CSMD1: variants seen among roughly 807,000 people sequenced by gnomAD.
The protein encoded by CSMD1 is CUB and Sushi multiple domains 1, also known as CUB and sushi domain-containing protein 1.
In CSMD1, 213 loss-of-function variants were observed where a neutral mutation model predicts 417.5. The ratio of observed to expected loss-of-function variants is 0.51; its 90% CI spans 0.46 to 0.57. The LOEUF (loss-of-function observed/expected upper bound fraction) is 0.57, where lower values mean the gene tolerates loss of function less well. CSMD1 is among the 20% of genes least tolerant of loss of function. The pLI is 0.00. For missense variants in CSMD1, 6,923 were observed against 4,529.7 expected (o/e 1.53, Z -15.17); for synonymous variants, 2,862 against 1,736.8 (o/e 1.65, Z -16.11).
intron 5 of CSMD1, among the ~76,000 whole-genome samples, chr8:3,993,617 C>T (rs1159967054): frequency 6.6e-6 from 1 of 152,196 alleles, no homozygotes; most frequent in Admixed American, 6.5e-5. Context: ...AACTTCCATA[C>T]ACCAGATAGG....
chr8:3,783,250 G>T (rs377555796), intron 5 of CSMD1, among the ~76,000 whole-genome samples: 1 of 152,182 alleles, frequency 6.6e-6, no homozygotes, highest in Non-Finnish European at 1.5e-5. Flanking sequence ...CTGTGTAGGT[G>T]CTCCCGGAAA....
chr8:2,949,960 T>C (rs551740988), intron 67 of CSMD1, among the ~76,000 whole-genome samples: 43 of 152,328 alleles, frequency 2.8e-4, no homozygotes, highest in South Asian at 8.3e-4. Flanking sequence ...AGTAACATCA[T>C]AGACCCTGGA....
Position 2,963,067 on chromosome 8 carries a change from T to TAGGCA in CSMD1, c.9454+150_9454+154dup, listed in dbSNP as rs201934629. 4.9e-3 allele frequency among the ~76,000 whole-genome samples: 751 copies of TAGGCA among 152,258 alleles called. 9 individuals are homozygous for TAGGCA. The highest frequency in any genetic ancestry group is 0.017 in the African/African-American group (706 of 41,546). On this transcript the variant is annotated intron_variant, in intron 60 of 69. Transcript: ENST00000635120. ...TGTCTCAAAAAGGAGACTCTGCCCTTAGGCAACACAGTCTCAAGTTTGAGT... is the reference window on the plus strand; with the variant it reads ...TGTCTCAAAAAGGAGACTCTGCCCTTAGGCAAGGCAACACAGTCTCAAGTTTGAGT...
intron 38 of CSMD1, among the ~76,000 whole-genome samples, chr8:3,161,911 G>A (rs978139243): frequency 6.6e-6 from 1 of 152,126 alleles, no homozygotes; most frequent in Non-Finnish European, 1.5e-5. Flanking sequence ...TAGTTATTGG[G>A]AACGCATATA....
intron 5 of CSMD1, among the ~76,000 whole-genome samples, chr8:3,808,889 G>A (rs977510124): frequency 1.3e-5 from 2 of 152,184 alleles, no homozygotes; most frequent in African/African-American, 4.8e-5. Flanking sequence ...AGTCATATCA[G>A]GGATTTTAAA....
At chr8:3,404,763 T>G (rs1297173708) in intron 15 of CSMD1, among the ~76,000 whole-genome samples, 1 of 146,606 alleles carries the variant, frequency 6.8e-6, no homozygotes, top group African/African-American at 2.5e-5. Flanking sequence ...TGTATGTATT[T>G]ATGACACATG....
intron 26 of CSMD1, among the ~76,000 whole-genome samples, chr8:3,262,217 A>G (rs1432914889): frequency 8.1e-6 from 1 of 122,722 alleles, no homozygotes; most frequent in Non-Finnish European, 1.7e-5. Context: ...ATATATATAT[A>G]TATATATATA....
chr8:3,441,252 C>T (rs2117062157), intron 12 of CSMD1, among the ~76,000 whole-genome samples: 1 of 152,092 alleles, frequency 6.6e-6, no homozygotes, highest in Middle Eastern at 3.4e-3. Context: ...CTTGTGGCCT[C>T]CAGAGCTTTG....
At chr8:3,226,241 C>G (rs1297440147) in intron 27 of CSMD1, among the ~76,000 whole-genome samples, 1 of 152,138 alleles carries the variant, frequency 6.6e-6, no homozygotes, top group African/African-American at 2.4e-5. Context: ...AAAGCAATTG[C>G]AGGCTATATA....
intron 37 of CSMD1, among the ~76,000 whole-genome samples, chr8:3,170,103 G>C (rs1329105623): frequency 6.6e-6 from 1 of 152,274 alleles, no homozygotes; most frequent in South Asian, 2.1e-4. Context: ...GTGGCAGCCA[G>C]CCCTGCTAGA....
intron 10 of CSMD1, among the ~76,000 whole-genome samples, chr8:3,540,200 A>C (rs528577557): frequency 6.6e-6 from 1 of 152,262 alleles, no homozygotes; most frequent in South Asian, 2.1e-4. Flanking sequence ...ACCTTATTCC[A>C]ATGTTTTAGG....
At chr8:3,450,908 T>C (rs1420750728) in intron 12 of CSMD1, among the ~76,000 whole-genome samples, 1 of 151,912 alleles carries the variant, frequency 6.6e-6, no homozygotes, top group Non-Finnish European at 1.5e-5. Flanking sequence ...CCACAATGGT[T>C]GAACTAGTTT....
chr8:3,826,011 G>C (rs1802034933), intron 5 of CSMD1, among the ~76,000 whole-genome samples: 1 of 152,136 alleles, frequency 6.6e-6, no homozygotes, highest in South Asian at 2.1e-4. Context: ...TTATTCACTT[G>C]CCTTTTTCAA....
intron 10 of CSMD1, among the ~76,000 whole-genome samples, chr8:3,565,458 T>A (rs1489814841): frequency 6.6e-6 from 1 of 152,212 alleles, no homozygotes; most frequent in Admixed American, 6.5e-5. Context: ...GTGAATCGCC[T>A]CCTTAATAAA....
At chr8:2,998,376 G>T (rs1206464724) in intron 53 of CSMD1, among the ~76,000 whole-genome samples, 192 bp from the exon 54 acceptor site, 1 of 152,136 alleles carries the variant, frequency 6.6e-6, no homozygotes, top group Non-Finnish European at 1.5e-5. Context: ...TGACACTACA[G>T]GCTTTTAATA....
At chr8:4,272,019 C>A (rs1028911026) in intron 3 of CSMD1, among the ~76,000 whole-genome samples, 2 of 152,104 alleles carry the variant, frequency 1.3e-5, no homozygotes, top group African/African-American at 4.8e-5. Flanking sequence ...TATTTTCCAT[C>A]CATGTTTGGT....
chr8:3,708,430 G>A lies in CSMD1; in HGVS notation c.993C>T (p.Ser331=). ...GGGACTCACAGACAGAGTTTTTATG[G>A]CTTCCATCCTTGCTGGGCAGCATCT... ...GVKMLPSKDG[S]HKNSVLSQGG... is the part of the protein sequence containing the mutation. The change falls in exon 7 of 70, where the codon AGC becomes AGT. Residue 331 remains serine (S), a synonymous_variant. Transcript: ENST00000635120. 6.2e-7 allele frequency: 1 copy of A among 1,613,800 alleles called. No individual in the cohort carries two copies. Among genetic ancestry groups the A allele is most frequent in the East Asian group, 2.2e-5 (1 of 44,864 alleles).
Position 3,998,001 on chromosome 8 carries a change from A to C in CSMD1, c.720T>G (p.Ala240=), listed in dbSNP as rs1815352590. The C allele has an allele frequency of 6.2e-7, 1 of 1,609,974 alleles. No individual in the cohort carries two copies. Among genetic ancestry groups the C allele is most frequent in the Non-Finnish European group, 8.5e-7 (1 of 1,177,978 alleles). ...CCAGCGCAATGGTGTCCCCGGGCTCAGCCAGAATGGTCCAGGTGCAGTCCG... is the reference window on the plus strand; with the variant it reads ...CCAGCGCAATGGTGTCCCCGGGCTCCGCCAGAATGGTCCAGGTGCAGTCCG... ...NNADCTWTIL[A]EPGDTIALVF... The change falls in exon 5 of 70, where the codon GCT becomes GCG. Residue 240 remains alanine, a synonymous_variant. Transcript: ENST00000635120.
chr8:4,121,949 T>C (rs757997928), intron 3 of CSMD1, among the ~76,000 whole-genome samples: 2 of 152,052 alleles, frequency 1.3e-5, no homozygotes, highest in Non-Finnish European at 2.9e-5. Context: ...AAATGATTAG[T>C]GAATTTAAAT....
Sources: allele counts gnomAD v4.1 joint callset (sites outside exome capture counted in the v4.1 genomes callset), GRCh38; gene constraint gnomAD v4.1.1; transcripts MANE v1.5; gene names NCBI Gene and HGNC (gene_info 2026-07-23, HGNC 2026-07-21).